Variants in TREML2 observed in about 807,000 individuals in gnomAD.
The protein encoded by TREML2 is triggering receptor expressed on myeloid cells like 2, also known as trem-like transcript 2 protein.
Under a neutral mutation model 25.9 loss-of-function variants are expected in TREML2, and 24 were observed. The observed-to-expected ratio is 0.93, with a 90% CI of 0.67 to 1.30. The LOEUF is 1.30. Ranked by LOEUF, TREML2 falls within the 50% of genes most tolerant of loss-of-function variation. TREML2 has a pLI of 0.00. For synonymous variants in TREML2, 139 were observed against 155.2 expected (o/e 0.90, Z 0.77); for missense variants, 359 against 395.6 (o/e 0.91, Z 0.78).
At chr6:41,195,009 G>A (rs1561889382) in intron 2 of TREML2, among the ~76,000 whole-genome samples, 176 bp from the exon 3 acceptor site, 1 of 152,108 alleles carries the variant, frequency 6.6e-6, no homozygotes. Flanking sequence ...TATTTGTTCA[G>A]AAAGTGATAT....
chr6:41,192,917 A>G lies in TREML2; in HGVS notation c.786-16T>C. On this transcript the variant is annotated splice_polypyrimidine_tract_variant and intron_variant, in intron 3 of 4. Transcript: ENST00000483722. The stretch of plus-strand genomic sequence containing the variant: ...ATCCTGGTGCCTGAGAAGAAGGGAC[A>G]GGGTGGAAGCGGGTGAGCACCAAGG... 6.5e-7 allele frequency: 1 copy of G among 1,543,870 alleles called. No individual in the cohort carries two copies. Among genetic ancestry groups the G allele is most frequent in the Non-Finnish European group, 8.7e-7 (1 of 1,147,364 alleles).
chr6:41,194,740 G>A lies in TREML2; in HGVS notation c.470C>T (p.Pro157Leu). 2 of 1,613,992 alleles carry A rather than the reference G, an allele frequency of 1.2e-6. No homozygotes were observed. Among genetic ancestry groups the A allele is most frequent in the South Asian group, 1.1e-5 (1 of 91,038 alleles). Residue 157 changes from proline (P) to leucine (L), a missense_variant, in exon 3 of 5, where the codon CCT becomes CTT. Coordinates refer to ENST00000483722, the MANE Select transcript of TREML2 (RefSeq NM_024807.4). ...VTTGQAPTSG[P>L]DAPFTTGVMV... ...CACACCAGTGGTAAAAGGGGCATCA[G>A]GGCCTGAGGTAGGGGCTTGGCCAGT...
At position 41,201,028 on chromosome 6, in the gene TREML2, G is replaced by A. The variant is rs1561891816; in HGVS notation, c.-20C>T. ...GGCCATGGTTCCATCCAGCTGGGCA[G>A]TGTCAGGCCTGGAGATCCAAGGTGA... On this transcript the variant is annotated 5_prime_UTR_variant, in exon 1 of 5. Transcript: ENST00000483722. The A allele has an allele frequency of 1.2e-6, 2 of 1,611,650 alleles. No homozygotes were observed. Among genetic ancestry groups the A allele is most frequent in the Non-Finnish European group, 1.7e-6 (2 of 1,178,720 alleles).
chr6:41,200,691 G>C (rs1766258267), intron 1 of TREML2, among the ~76,000 whole-genome samples: 1 of 152,230 alleles, frequency 6.6e-6, no homozygotes, highest in South Asian at 2.1e-4. Context: ...TGAGGGCTCT[G>C]CTTTAAAGCC....
rs185940192 is a variant in TREML2, at chr6:41,191,963, G to C, written c.*464C>G. ...TGGGACATCACTGCCTCTGGCATTC[G>C]TGAGCCCGATTCTTTCTTCCCTAAC... On this transcript the variant is annotated 3_prime_UTR_variant, in exon 5 of 5. Coordinates refer to ENST00000483722, the MANE Select transcript of TREML2 (RefSeq NM_024807.4). 1.2e-5 allele frequency: 2 copies of C among 162,948 alleles called. No homozygotes were observed. Among genetic ancestry groups the C allele is most frequent in the Admixed American group, 1.2e-4 (2 of 17,224 alleles). 10.1% of individuals were successfully genotyped at this position (162,948 alleles called of 1,614,324 possible).
intron 2 of TREML2, among the ~76,000 whole-genome samples, chr6:41,196,682 A>ATCTATGAT (rs1465234718): frequency 1.3e-5 from 2 of 151,958 alleles, no homozygotes; most frequent in East Asian, 3.8e-4. Flanking sequence ...CTTACTGTTT[A>ATCTATGAT]TCTATGATTC....
rs745927895 is a variant in TREML2, at chr6:41,194,510, C to T, written c.700G>A (p.Asp234Asn). ...GPESISTKSG[D>N]LSTRSPTTGL... Reference sequence around the variant, plus strand: ...GTGGTGGGCGATCTGGTGCTGAGGTCCCCAGACTTAGTGGAGATGGATTCT... The same window carrying T: ...GTGGTGGGCGATCTGGTGCTGAGGTTCCCAGACTTAGTGGAGATGGATTCT... Residue 234 changes from aspartate (D) to asparagine (N), a missense_variant, in exon 3 of 5, where the codon GAC becomes AAC. Physicochemically the swap from Asp to Asn is conservative, Grantham distance 23. Transcript: ENST00000483722. 1.9e-5 allele frequency: 30 copies of T among 1,613,650 alleles called. No individual in the cohort carries two copies. Among genetic ancestry groups the T allele is most frequent in the Non-Finnish European group, 2.5e-5 (29 of 1,179,886 alleles).
intron 1 of TREML2, among the ~76,000 whole-genome samples, chr6:41,198,735 C>T (rs139187416): frequency 5.9e-5 from 9 of 152,320 alleles, no homozygotes; most frequent in African/African-American, 1.2e-4. Flanking sequence ...ATGGAGGAAA[C>T]GCAGCATTTA....
chr6:41,193,058 G>A (rs1428104681), intron 3 of TREML2, among the ~76,000 whole-genome samples, 157 bp from the exon 4 acceptor site: 1 of 152,184 alleles, frequency 6.6e-6, no homozygotes, highest in Non-Finnish European at 1.5e-5. Context: ...AAGCAAGTGT[G>A]ACATCCGGAG....
rs972718952 is a variant in TREML2 at position 41,194,800 on chromosome 6, T to C, written c.410A>G (p.His137Arg). The C allele has an allele frequency of 6.3e-7, 1 of 1,589,752 alleles. No individual in the cohort carries two copies. Among genetic ancestry groups the C allele is most frequent in the Admixed American group, 1.8e-5 (1 of 56,618 alleles). ...PQTERNIPFT[H>R]LDNILKSGTV... ...TCCACTCTTGAGGATGTTGTCCAGATGTGTGAAAGGAATGTTCCTCTCAGT... is the reference window on the plus strand; with the variant it reads ...TCCACTCTTGAGGATGTTGTCCAGACGTGTGAAAGGAATGTTCCTCTCAGT... The change falls in exon 3 of 5, where the codon CAT (histidine) becomes CGT (arginine). Residue 137 changes from histidine (H) to arginine (R), a missense_variant. His to Arg is a conservative substitution (Grantham distance 29). Coordinates refer to ENST00000483722, the MANE Select transcript of TREML2 (RefSeq NM_024807.4).
chr6:41,194,047 G>A (rs961399171), intron 3 of TREML2, among the ~76,000 whole-genome samples: 6 of 118,554 alleles, frequency 5.1e-5, no homozygotes, highest in Non-Finnish European at 7.1e-5. Flanking sequence ...CACCAACTCC[G>A]CTCCCCACTG....
Position 41,194,653 on chromosome 6 carries a change from G to A in TREML2, c.557C>T (p.Ser186Phe). 6.2e-7 allele frequency: 1 copy of A among 1,614,104 alleles called. No homozygotes were observed. The highest frequency in any genetic ancestry group is 8.5e-7 in the Non-Finnish European group (1 of 1,180,002). ...AGCAGTGAAGCTGTAGCCTGTCTTG[G>A]AGGCAGGTCTGGTGGAGGCTAAGAG... ...PRLLASTRPA[S>F]KTGYSFTATS... Residue 186 changes from serine to phenylalanine, a missense_variant, in exon 3 of 5, where the codon TCC becomes TTC. Transcript: ENST00000483722.
intron 1 of TREML2, among the ~76,000 whole-genome samples, chr6:41,199,135 T>G (rs1404887692): frequency 6.6e-6 from 1 of 152,190 alleles, no homozygotes; most frequent in African/African-American, 2.4e-5. Context: ...GTGCTGGGAT[T>G]GCAGGCGTGA....
chr6:41,193,998 C>A (rs1057478333), intron 3 of TREML2, among the ~76,000 whole-genome samples: 1 of 144,438 alleles, frequency 6.9e-6, no homozygotes, highest in South Asian at 2.3e-4. Context: ...ACCTTTATCC[C>A]GACCCTCCTC....
chr6:41,195,962 T>C (rs6933231), intron 2 of TREML2, among the ~76,000 whole-genome samples: 72,925 of 152,024 alleles, frequency 0.48, 19,179 homozygotes, highest in African/African-American at 0.7. Context: ...AGCCAGTAAC[T>C]TTCCTTCTCC....
At chr6:41,192,689 TTTGAC>T (rs780522663) in intron 4 of TREML2, 107 bp downstream of exon 4, 13 of 1,192,190 alleles carry the variant, frequency 1.1e-5, no homozygotes, top group African/African-American at 1.5e-5. Context: ...TCATAGTCCT[TTTGAC>T]TGGACACAGG....
At position 41,194,441 on chromosome 6, in the gene TREML2, AG is replaced by A; in HGVS notation, c.768del (p.Ser257ProfsTer19). 3.8e-6 allele frequency: 6 copies of A among 1,578,722 alleles called. No homozygotes were observed. The highest frequency in any genetic ancestry group is 5.2e-6 in the Non-Finnish European group (6 of 1,161,530). The stretch of plus-strand genomic sequence containing the variant: ...CACAGGTACCTGATGGAGGGCATGG[AG>A]GGTAGTCTGTTGAGGAGAGATCTGC... ...LTSRSLLNRL[P>X]SMPSIRHQDV... On this transcript the variant is annotated frameshift_variant, in exon 3 of 5. Coordinates refer to ENST00000483722, the MANE Select transcript of TREML2 (RefSeq NM_024807.4). LOFTEE classifies it high-confidence loss of function.
intron 3 of TREML2, among the ~76,000 whole-genome samples, chr6:41,193,344 G>A (rs1314120436): frequency 6.6e-6 from 1 of 152,194 alleles, no homozygotes; most frequent in South Asian, 2.1e-4. Context: ...CTTTTCTGTG[G>A]GTGGGAGGCT....
Position 41,194,635 on chromosome 6 carries a change from A to C in TREML2, c.575T>G (p.Phe192Cys). Residue 192 changes from phenylalanine (F) to cysteine (C), a missense_variant, in exon 3 of 5, where the codon TTC becomes TGC. Coordinates refer to ENST00000483722, the MANE Select transcript of TREML2 (RefSeq NM_024807.4). ...CTGGCTGGTGGTGCTGGTAGCAGTG[A>C]AGCTGTAGCCTGTCTTGGAGGCAGG... ...TRPASKTGYS[F>C]TATSTTSQGP... 1 of 1,613,990 alleles carries C rather than the reference A, an allele frequency of 6.2e-7. No homozygotes were observed. The highest frequency in any genetic ancestry group is 8.5e-7 in the Non-Finnish European group (1 of 1,179,970).
Sources: allele counts gnomAD v4.1 joint callset (sites outside exome capture counted in the v4.1 genomes callset), GRCh38; gene constraint gnomAD v4.1.1; transcripts MANE v1.5; gene names NCBI Gene and HGNC (gene_info 2026-07-23, HGNC 2026-07-21).